Variants in FHL1 observed in about 807,000 individuals in gnomAD.
FHL1 encodes four and a half LIM domains protein 1.
In FHL1, 1 loss-of-function variant was observed where a neutral mutation model predicts 20.3. The ratio of observed to expected loss-of-function variants is 0.05; its 90% CI spans 0.02 to 0.23. FHL1 has a LOEUF of 0.23. FHL1 is among the 10% of genes least tolerant of loss of function. The pLI, the probability that FHL1 is intolerant of heterozygous loss-of-function variation, is 1.00. For synonymous variants in FHL1, 82 were observed against 88.9 expected (o/e 0.92, Z 0.44); for missense variants, 177 against 234.0 (o/e 0.76, Z 1.59).
rs754167754 is a variant in FHL1, at chrX:136,190,503, G to T, written c.-26-15904G>T. ...GCAAAGAACGATTCGCGAATCAGGC[G>T]GCCTCTCGAACCAGAGTAGGCTAAG... On this transcript the variant is annotated intron_variant, in intron 2 of 6. Transcript: ENST00000394153. 6.9e-4 allele frequency among the ~76,000 whole-genome samples: 77 copies of T among 111,523 alleles called. 1 individual carries two copies. Among genetic ancestry groups the T allele is most frequent in the African/African-American group, 2.4e-3 (73 of 30,696 alleles).
chrX:136,169,053 A>G (rs762603841), upstream of FHL1, among the ~76,000 whole-genome samples: 137 of 111,418 alleles, frequency 1.2e-3, no homozygotes, highest in African/African-American at 3.9e-3. Context: ...GCTCATGTAC[A>G]TTTTCATAGT....
chrX:136,209,408 G>GA (rs1569530700), intron 5 of FHL1: 3 of 1,208,862 alleles, frequency 2.5e-6, no homozygotes, highest in East Asian at 3.0e-5. Context: ...GTTCTTTATA[G>GA]AAAAAATCGA....
Position 136,187,841 on chromosome X carries a change from A to C in FHL1, c.-27+17861A>C, listed in dbSNP as rs184762836. 2.4e-4 allele frequency among the ~76,000 whole-genome samples: 27 copies of C among 111,991 alleles called. No individual in the cohort carries two copies. In the East Asian group the frequency reaches 7.5e-3, roughly 31 times the overall value. On this transcript the variant is annotated intron_variant, in intron 2 of 6. Coordinates refer to the FHL1 transcript ENST00000394153. ...CTGAATTGTACACTTTATAAAGGTGAATTTTATGATATATAAATTATTTTA... is the reference window on the plus strand; with the variant it reads ...CTGAATTGTACACTTTATAAAGGTGCATTTTATGATATATAAATTATTTTA...
intron 2 of FHL1, among the ~76,000 whole-genome samples, chrX:136,172,922 G>A (rs1270320844): frequency 1.8e-5 from 2 of 111,442 alleles, no homozygotes; most frequent in African/African-American, 6.5e-5. Context: ...TAGTGGAGAC[G>A]GGGTTTCACC....
intron 1 of FHL1, among the ~76,000 whole-genome samples, chrX:136,202,011 C>T (rs1460298173): frequency 8.9e-6 from 1 of 111,995 alleles, no homozygotes; most frequent in Non-Finnish European, 1.9e-5. Flanking sequence ...AAATTATTCC[C>T]TAAGAAATAA....
intron 2 of FHL1, among the ~76,000 whole-genome samples, chrX:136,170,381 A>AG (rs1321844657): frequency 9.0e-6 from 1 of 111,438 alleles, no homozygotes; most frequent in African/African-American, 3.3e-5. Context: ...ATCAGCTATT[A>AG]GGAATCTTTC....
chrX:136,206,917 C>A, intron 2 of FHL1, 99 bp from the exon 3 acceptor site: 1 of 944,242 alleles, frequency 1.1e-6, no homozygotes, highest in Non-Finnish European at 1.5e-6. Flanking sequence ...ACTGTGTCAT[C>A]TCAGTGGTCA....
chrX:136,197,908 T>C (rs1379878669), intron 1 of FHL1, among the ~76,000 whole-genome samples: 2 of 111,161 alleles, frequency 1.8e-5, no homozygotes, highest in East Asian at 5.6e-4. Flanking sequence ...GACGGTTAGA[T>C]ATAAAGAAGG....
intron 5 of FHL1, chrX:136,209,138 G>A (rs2073936652): frequency 9.7e-6 from 7 of 721,559 alleles, no homozygotes; most frequent in Non-Finnish European, 1.4e-5. Flanking sequence ...TCCTCATCTC[G>A]CGGCCGCGAT....
At position 136,210,121 on chromosome X, in the gene FHL1, C is replaced by T. The variant is rs1434669306; in HGVS notation, c.*96C>T. 9.1e-7 allele frequency: 1 copy of T among 1,100,125 alleles called. No homozygotes were observed. Among genetic ancestry groups the T allele is most frequent in the Non-Finnish European group, 1.3e-6 (1 of 796,851 alleles). 90.7% of individuals were successfully genotyped at this position (1,100,125 alleles called of 1,213,427 possible). ...TACCATCAATAGGGGAAGAGTGGTC[C>T]TTCCCTTCTTTAAAGTTCTCCTTCC... On this transcript the variant is annotated 3_prime_UTR_variant, in exon 6 of 6. Coordinates refer to ENST00000370683, the MANE Select transcript of FHL1 (RefSeq NM_001159699.2).
At chrX:136,172,544 A>G (rs1373168992) in intron 2 of FHL1, among the ~76,000 whole-genome samples, 1 of 112,282 alleles carries the variant, frequency 8.9e-6, no homozygotes, top group Non-Finnish European at 1.9e-5. Context: ...CCACTTCCAT[A>G]TAAGCATGTG....
chrX:136,164,844 T>C (rs1023425213), upstream of FHL1, among the ~76,000 whole-genome samples: 3 of 112,476 alleles, frequency 2.7e-5, no homozygotes, highest in Non-Finnish European at 3.7e-5. Flanking sequence ...ACTCCAACTT[T>C]GGTAAATGTG....
chrX:136,170,052 A>T (rs2072820522), intron 2 of FHL1: 1 of 296,845 alleles, frequency 3.4e-6, no homozygotes, highest in Admixed American at 3.6e-5. Flanking sequence ...TAGGGGCGGC[A>T]TTGTACAAAG....
rs781358359 is a variant in FHL1 at position 136,178,815 on chromosome X, C to T, written c.-27+8835C>T. 5.4e-4 allele frequency among the ~76,000 whole-genome samples: 58 copies of T among 107,766 alleles called. 1 individual carries two copies. Among genetic ancestry groups the T allele is most frequent in the Non-Finnish European group, 3.4e-4 (18 of 52,185 alleles). 93.6% of individuals were successfully genotyped at this position (107,766 alleles called of 115,157 possible). ...TGTTGCCCAGGCTGGTGTGCAATGACGTGATCTTGCCTCACTGCAACCTCT... is the reference window on the plus strand; with the variant it reads ...TGTTGCCCAGGCTGGTGTGCAATGATGTGATCTTGCCTCACTGCAACCTCT... On this transcript the variant is annotated intron_variant, in intron 2 of 6. Transcript: ENST00000394153.
chrX:136,185,750 G>A (rs2073271270), intron 2 of FHL1, among the ~76,000 whole-genome samples: 1 of 112,165 alleles, frequency 8.9e-6, no homozygotes, highest in Non-Finnish European at 1.9e-5. Context: ...CAATGACAGG[G>A]TTAATTTAAA....
chrX:136,207,949 G>C lies in FHL1; in HGVS notation c.537G>C (p.Val179=), dbSNP rs753535765. Reference sequence around the variant, plus strand: ...AGACCAAGTTTGCCAAGCATTGCGTGAAGTGCAACAAGGTATGCTTTCAAG... The same window carrying C: ...AGACCAAGTTTGCCAAGCATTGCGTCAAGTGCAACAAGGTATGCTTTCAAG... ...CHETKFAKHC[V]KCNKAITSGG... The change falls in exon 4 of 6, where the codon GTG becomes GTC. Residue 179 remains valine (V), a synonymous_variant. Transcript: ENST00000370683. 2 of 1,212,471 alleles carry C rather than the reference G, an allele frequency of 1.6e-6. No individual in the cohort carries two copies. Among genetic ancestry groups the C allele is most frequent in the Non-Finnish European group, 2.2e-6 (2 of 895,637 alleles).
At chrX:136,167,515 A>G (rs764897687), upstream of FHL1, among the ~76,000 whole-genome samples, 1,196 of 111,361 alleles carry the variant, frequency 0.011, 17 homozygotes, top group African/African-American at 0.035. Flanking sequence ...AAAATAAGAC[A>G]TTTCTTTGCC....
chrX:136,166,194 C>A (rs1192434878), upstream of FHL1, among the ~76,000 whole-genome samples: 1 of 111,842 alleles, frequency 8.9e-6, no homozygotes, highest in Admixed American at 9.5e-5. Context: ...TTAAGTGGGA[C>A]ATGCTAGTAC....
Position 136,151,408 on chromosome X carries a change from C to T in FHL1, c.-101+3780C>T, listed in dbSNP as rs575326610. 3.6e-4 allele frequency among the ~76,000 whole-genome samples: 41 copies of T among 112,676 alleles called. 2 individuals carry two copies. In the South Asian group the frequency reaches 0.011, roughly 31 times the overall value. ...AGTAGTTGGCGGAGCTCACTTTATTCGTCTCAAAAATGACTAGTTTCAGCC... is the reference window on the plus strand; with the variant it reads ...AGTAGTTGGCGGAGCTCACTTTATTTGTCTCAAAAATGACTAGTTTCAGCC... On this transcript the variant is annotated intron_variant, in intron 1 of 7. Coordinates refer to the FHL1 transcript ENST00000394155.
Sources: allele counts gnomAD v4.1 joint callset (sites outside exome capture counted in the v4.1 genomes callset), GRCh38; gene constraint gnomAD v4.1.1; transcripts MANE v1.5; gene names NCBI Gene and HGNC (gene_info 2026-07-23, HGNC 2026-07-21).